The following BBS4 variants were observed in gnomAD, a reference collection of about 807,000 sequenced individuals.
BBS4 encodes Bardet-Biedl syndrome 4, also known as BBSome complex member BBS4.
A neutral mutation model predicts 71.4 loss-of-function variants in BBS4; 58 were observed. The ratio of observed to expected loss-of-function variants is 0.81; its 90% CI spans 0.66 to 1.01. BBS4 has a LOEUF of 1.01. BBS4 is among the 50% of genes least tolerant of loss of function. BBS4 has a pLI of 0.00. For synonymous variants in BBS4, 228 were observed against 216.8 expected (o/e 1.05, Z -0.46); for missense variants, 660 against 607.9 (o/e 1.09, Z -0.90).
chr15:72,700,349 C>A lies in BBS4; in HGVS notation c.76+5121C>A, dbSNP rs193019710. ...GTCATATGTGAACTGTTTGTTTTAA[C>A]TTTATAATAAACTGCCGAAGTATTT... On this transcript the variant is annotated intron_variant, in intron 2 of 15. Coordinates refer to ENST00000268057, the MANE Select transcript of BBS4 (RefSeq NM_033028.5). Among the ~76,000 whole-genome samples, 120 of 152,268 alleles carry A rather than the reference C, an allele frequency of 7.9e-4. 1 individual carries two copies. The highest frequency in any genetic ancestry group is 2.8e-3 in the African/African-American group (116 of 41,544).
chr15:72,695,049 A>G (rs1311611232), intron 1 of BBS4, 128 bp from the exon 2 acceptor site: 5 of 679,670 alleles, frequency 7.4e-6, no homozygotes, highest in Non-Finnish European at 1.3e-5. Flanking sequence ...TAACTCTATC[A>G]CAATATGGAT....
intron 2 of BBS4, among the ~76,000 whole-genome samples, chr15:72,705,621 C>T (rs896971822): frequency 6.0e-5 from 6 of 100,590 alleles, no homozygotes; most frequent in Middle Eastern, 0.012. Flanking sequence ...GAGACTGGGT[C>T]TCACTCTGTC....
In BBS4 at chr15:72,686,399, C is replaced by G. The variant is rs1293709910; in HGVS notation, c.24+148C>G. On this transcript the variant is annotated intron_variant, in intron 1 of 15. Coordinates refer to ENST00000268057, the MANE Select transcript of BBS4 (RefSeq NM_033028.5). Reference sequence around the variant, plus strand: ...GCGGGGCGACACGGTCCCCTTTTTACTGTCCCGGGAACTGGTCGCCTGGGG... The same window carrying G: ...GCGGGGCGACACGGTCCCCTTTTTAGTGTCCCGGGAACTGGTCGCCTGGGG... 3 of 1,535,656 alleles carry G rather than the reference C, an allele frequency of 2.0e-6. No individual in the cohort carries two copies. The South Asian group carries it at 3.6e-5, about 18-fold the overall frequency.
At chr15:72,724,474 A>G (rs1404248832) in intron 7 of BBS4, 54 bp from the exon 8 acceptor site, 3 of 1,609,488 alleles carry the variant, frequency 1.9e-6, no homozygotes, top group Non-Finnish European at 2.5e-6. Context: ...ATATAAAGGT[A>G]TAGTTCGTTC....
In BBS4 at chr15:72,724,567, C is replaced by T. The variant is rs2065633300; in HGVS notation, c.499C>T (p.His167Tyr). ...QLHNALNLNR[H>Y]DLTYIMLGKI... Reference sequence around the variant, plus strand: ...GCACAATGCCCTGAATCTTAATAGGCACGATCTGACTTATATAATGCTGGG... The same window carrying T: ...GCACAATGCCCTGAATCTTAATAGGTACGATCTGACTTATATAATGCTGGG... Residue 167 changes from histidine to tyrosine, a missense_variant, in exon 8 of 16, where the codon CAC becomes TAC. Physicochemically the swap from His to Tyr is moderately conservative, Grantham distance 83. Coordinates refer to ENST00000268057, the MANE Select transcript of BBS4 (RefSeq NM_033028.5). The T allele has an allele frequency of 2.5e-6, 4 of 1,613,966 alleles. 1 individual carries two copies. In the South Asian group the frequency reaches 3.3e-5, roughly 13 times the overall value.
chr15:72,735,992 G>A (rs368409791), intron 14 of BBS4, 26 bp downstream of exon 14: 1 of 1,613,604 alleles, frequency 6.2e-7, no homozygotes, highest in African/African-American at 1.3e-5. Flanking sequence ...GCTCCCAAGA[G>A]TCATAAGTAA....
chr15:72,725,789 TTCCCTCTTCCCCCA>T lies in BBS4; in HGVS notation c.587+1139_587+1152del, dbSNP rs1688332495. The stretch of plus-strand genomic sequence containing the variant: ...TCCCCCTTCCTCTTCCCCTTCCTCC[TTCCCTCTTCCCCCA>T]TCCCCCTTCCCCCATCCCCCTTTCC... On this transcript the variant is annotated intron_variant, in intron 8 of 15. Coordinates refer to ENST00000268057, the MANE Select transcript of BBS4 (RefSeq NM_033028.5). 2.4e-4 allele frequency among the ~76,000 whole-genome samples: 8 copies of T among 33,086 alleles called. 1 individual carries two copies. The highest frequency in any genetic ancestry group is 5.8e-4 in the African/African-American group (5 of 8,602). The allele number at this position is 33,086 out of a possible 152,430, so 21.7% of individuals were successfully genotyped here. A position where few individuals can be genotyped will look rare whatever the true frequency, so the allele number is the denominator to read the frequency against.
At chr15:72,736,238 CT>C (rs35502034) in intron 14 of BBS4, among the ~76,000 whole-genome samples, 21,102 of 113,142 alleles carry the variant, frequency 0.19, 945 homozygotes, top group East Asian at 0.43. Flanking sequence ...TTCTATTTCA[CT>C]TTTTTTTTTT....
intron 7 of BBS4, among the ~76,000 whole-genome samples, chr15:72,723,766 T>C (rs1013877259): frequency 1.3e-5 from 2 of 152,228 alleles, no homozygotes; most frequent in Non-Finnish European, 2.9e-5. Context: ...TATAGTTTTA[T>C]ATACTTGGTT....
chr15:72,722,799 CA>C lies in BBS4; in HGVS notation c.412del (p.Ser138AlafsTer4). On this transcript the variant is annotated frameshift_variant, in exon 7 of 16. Transcript: ENST00000268057. LOFTEE classifies it high-confidence loss of function. ...CTTCTTTTTTATGAGCCTAGGAGAT[CA>C]GCCATAACCTAGGAGTTTGCTACAT... ...AKLNQKDWEI[S>X]HNLGVCYIYL... The C allele has an allele frequency of 6.2e-7, 1 of 1,613,704 alleles. No homozygotes were observed.
intron 2 of BBS4, among the ~76,000 whole-genome samples, chr15:72,696,782 G>T (rs1343578696): frequency 6.6e-6 from 1 of 151,890 alleles, no homozygotes; most frequent in Non-Finnish European, 1.5e-5. Flanking sequence ...TAGAAATGGG[G>T]GTCTGGCTCT....
At position 72,714,219 on chromosome 15, in the gene BBS4, A is replaced by ATTT. The variant is rs1296950657; in HGVS notation, c.221-1072_221-1071insTTT. On this transcript the variant is annotated intron_variant, in intron 4 of 15. Transcript: ENST00000268057. ...AACCAAAGATAAGGACCACTCACTT[A>ATTT]CTTTTTTTTTTTTTTTTTTTTTTTG... Among the ~76,000 whole-genome samples the ATTT allele has an allele frequency of 3.0e-5, 3 of 99,286 alleles. No individual in the cohort carries two copies. The Admixed American group carries it at 4.1e-4, about 14-fold the overall frequency. 65.1% of individuals were successfully genotyped at this position (99,286 alleles called of 152,430 possible). A position where few individuals can be genotyped will look rare whatever the true frequency, so the allele number is the denominator to read the frequency against.
intron 3 of BBS4, among the ~76,000 whole-genome samples, chr15:72,710,523 C>G (rs765937411): frequency 6.6e-6 from 1 of 151,818 alleles, no homozygotes; most frequent in Non-Finnish European, 1.5e-5. Flanking sequence ...TTTAATTTCT[C>G]TCTTACTGCA....
At chr15:72,695,913 G>A (rs921673215) in intron 2 of BBS4, among the ~76,000 whole-genome samples, 1 of 152,170 alleles carries the variant, frequency 6.6e-6, no homozygotes, top group African/African-American at 2.4e-5. Context: ...GCCTGTGTTG[G>A]TGCATGTCCC....
intron 12 of BBS4, 55 bp downstream of exon 12, chr15:72,731,781 G>A: frequency 6.2e-7 from 1 of 1,600,944 alleles, no homozygotes; most frequent in Non-Finnish European, 8.6e-7. Context: ...AGGGAAAAAT[G>A]GATTAGAATC....
chr15:72,690,585 G>C (rs1397864909), intron 1 of BBS4, among the ~76,000 whole-genome samples: 1 of 152,126 alleles, frequency 6.6e-6, no homozygotes, highest in African/African-American at 2.4e-5. Context: ...AAACAGTTTT[G>C]TTGAGGTATA....
At chr15:72,687,709 C>T (rs756251671) in intron 1 of BBS4, among the ~76,000 whole-genome samples, 102 of 152,174 alleles carry the variant, frequency 6.7e-4, no homozygotes, top group Non-Finnish European at 1.1e-3. Flanking sequence ...GGGTGGATCG[C>T]CTGAGGTCAG....
At chr15:72,715,434 A>G (rs1172220357) in intron 5 of BBS4, 32 bp downstream of exon 5, 1 of 1,452,064 alleles carries the variant, frequency 6.9e-7, no homozygotes, top group South Asian at 1.1e-5. Context: ...GCCCTAGGGC[A>G]CTCACAGAGA....
intron 10 of BBS4, among the ~76,000 whole-genome samples, chr15:72,730,315 T>G (rs533468620): frequency 8.7e-4 from 127 of 146,590 alleles, no homozygotes; most frequent in African/African-American, 3.1e-3. Flanking sequence ...AAAATAAATC[T>G]GCTGGGCATG....
Sources: gnomAD v4.1 joint callset for allele counts (sites outside exome capture counted in the v4.1 genomes callset) on GRCh38, gnomAD v4.1.1 for gene constraint, MANE v1.5 for transcripts, NCBI Gene and HGNC (gene_info 2026-07-23, HGNC 2026-07-21) for gene names.